Variants in KCNT2 observed in about 807,000 individuals in gnomAD.
The protein encoded by KCNT2 is potassium channel subfamily T member 2.
KCNT2 carries 67 observed loss-of-function variants against 153.8 expected under a neutral mutation model. The observed-to-expected ratio is 0.44, with a 90% CI of 0.36 to 0.53. KCNT2 has a LOEUF of 0.53. Among genes scored for constraint, KCNT2 ranks in the 20% least tolerant of loss-of-function variants. The pLI, the probability that KCNT2 is intolerant of heterozygous loss-of-function variation, is 0.00. For missense variants in KCNT2, 975 were observed against 1,354.8 expected (o/e 0.72, Z 4.40); for synonymous variants, 500 against 458.8 (o/e 1.09, Z -1.15).
intron 3 of KCNT2, among the ~76,000 whole-genome samples, chr1:196,488,446 T>C (rs1430893811): frequency 6.6e-6 from 1 of 151,816 alleles, no homozygotes; most frequent in African/African-American, 2.4e-5. Context: ...TTAGTGATAT[T>C]ACATAGAAGT....
chr1:196,527,460 T>A (rs1431544580), intron 1 of KCNT2, among the ~76,000 whole-genome samples: 13 of 152,156 alleles, frequency 8.5e-5, no homozygotes. Context: ...TAATGACAGT[T>A]TATTAGCAAA....
intron 12 of KCNT2, among the ~76,000 whole-genome samples, chr1:196,404,485 A>T (rs1671670745): frequency 6.6e-6 from 1 of 151,660 alleles, no homozygotes; most frequent in Non-Finnish European, 1.5e-5. Flanking sequence ...CAGTCTTTGC[A>T]TTCTTCTCTC....
chr1:196,264,862 C>T (rs1657380494), intron 25 of KCNT2, among the ~76,000 whole-genome samples: 1 of 152,116 alleles, frequency 6.6e-6, no homozygotes, highest in Non-Finnish European at 1.5e-5. Context: ...AACTCCTGAG[C>T]TCAAGCTATC....
At chr1:196,393,956 T>C (rs1234005779) in intron 13 of KCNT2, among the ~76,000 whole-genome samples, 1 of 151,548 alleles carries the variant, frequency 6.6e-6, no homozygotes, top group East Asian at 1.9e-4. Flanking sequence ...GTCATATGTT[T>C]CAGTACCAAT....
intron 15 of KCNT2, 46 bp from the exon 16 acceptor site, chr1:196,340,616 T>G: frequency 8.6e-7 from 1 of 1,158,752 alleles, no homozygotes; most frequent in South Asian, 1.5e-5. Flanking sequence ...TAGTAAATTA[T>G]TGTAAGGCTG....
At chr1:196,504,109 G>C (rs1192965567) in intron 1 of KCNT2, among the ~76,000 whole-genome samples, 1 of 152,020 alleles carries the variant, frequency 6.6e-6, no homozygotes, top group Non-Finnish European at 1.5e-5. Flanking sequence ...TATACTTTAA[G>C]TTTTAGGGTA....
intron 1 of KCNT2, among the ~76,000 whole-genome samples, chr1:196,581,841 C>T (rs1662091008): frequency 6.6e-6 from 1 of 151,996 alleles, no homozygotes; most frequent in African/African-American, 2.4e-5. Flanking sequence ...TTTTGTTGTT[C>T]TCCTATTTAA....
intron 4 of KCNT2, among the ~76,000 whole-genome samples, chr1:196,480,704 A>C (rs1443088226): frequency 2.0e-5 from 3 of 151,856 alleles, no homozygotes; most frequent in Admixed American, 2.0e-4. Context: ...AAATACAAAA[A>C]AAGTAGCCGG....
At chr1:196,505,259 G>A (rs900278329) in intron 1 of KCNT2, among the ~76,000 whole-genome samples, 1 of 152,058 alleles carries the variant, frequency 6.6e-6, no homozygotes, top group Admixed American at 6.6e-5. Flanking sequence ...ATTAATTTTT[G>A]TATAAGGTGT....
chr1:196,509,478 A>G, intron 1 of KCNT2, among the ~76,000 whole-genome samples: 1 of 152,198 alleles, frequency 6.6e-6, no homozygotes, highest in East Asian at 1.9e-4. Context: ...CAAGCCTAAG[A>G]CTATATGTCA....
chr1:196,600,826 T>C (rs1264063393), intron 1 of KCNT2, among the ~76,000 whole-genome samples: 3 of 152,210 alleles, frequency 2.0e-5, no homozygotes, highest in Non-Finnish European at 4.4e-5. Flanking sequence ...GTTTCTGGCC[T>C]TGCTTATCCA....
chr1:196,586,739 G>T (rs10737676), intron 1 of KCNT2, among the ~76,000 whole-genome samples: 13 of 151,918 alleles, frequency 8.6e-5, no homozygotes, highest in African/African-American at 3.1e-4. Context: ...AACAACAACT[G>T]TAAGTAGTAC....
intron 21 of KCNT2, among the ~76,000 whole-genome samples, chr1:196,309,868 C>CT (rs1185788546): frequency 6.6e-6 from 1 of 151,730 alleles, no homozygotes; most frequent in Admixed American, 6.6e-5. Flanking sequence ...TAGAGCAATA[C>CT]TGTAATTAAA....
At chr1:196,577,740 C>T (rs1357234551) in intron 1 of KCNT2, among the ~76,000 whole-genome samples, 2 of 152,110 alleles carry the variant, frequency 1.3e-5, no homozygotes, top group South Asian at 2.1e-4. Flanking sequence ...AAGTCCTAGA[C>T]TGAGCATTGC....
At chr1:196,514,008 G>A (rs961940268) in intron 1 of KCNT2, among the ~76,000 whole-genome samples, 24 of 152,138 alleles carry the variant, frequency 1.6e-4, no homozygotes, top group Non-Finnish European at 3.4e-4. Context: ...GCTACCAGAT[G>A]GAATGCATCA....
chr1:196,551,255 C>T (rs1461185198), intron 1 of KCNT2, among the ~76,000 whole-genome samples: 3 of 151,700 alleles, frequency 2.0e-5, no homozygotes, highest in Non-Finnish European at 4.4e-5. Flanking sequence ...CACAAAGGCA[C>T]TAAGTAGTAT....
At chr1:196,466,315 A>G (rs1318945891) in intron 7 of KCNT2, among the ~76,000 whole-genome samples, 2 of 152,046 alleles carry the variant, frequency 1.3e-5, no homozygotes, top group African/African-American at 4.8e-5. Context: ...AGGGCAATTA[A>G]GACAGCCCAA....
intron 14 of KCNT2, among the ~76,000 whole-genome samples, chr1:196,355,255 T>C (rs1226291564): frequency 6.6e-6 from 1 of 151,338 alleles, no homozygotes; most frequent in Non-Finnish European, 1.5e-5. Flanking sequence ...GGAAGATGCT[T>C]ATGAATTCCA....
rs1558100098 is a variant in KCNT2 at position 196,284,251 on chromosome 1, ATAT to A, written c.2697+1403_2697+1405del. On this transcript the variant is annotated intron_variant, in intron 23 of 27. Transcript: ENST00000294725. The stretch of plus-strand genomic sequence containing the variant: ...GTCTTAAAAAAAAAAAAAAAAAAAT[ATAT>A]ATATATATATATATATATATATATA... Among the ~76,000 whole-genome samples the A allele has an allele frequency of 5.6e-4, 27 of 48,448 alleles. 1 individual carries two copies. The highest frequency in any genetic ancestry group is 3.1e-3 in the South Asian group (3 of 962). The allele number at this position is 48,448 out of a possible 152,430, so 31.8% of individuals were successfully genotyped here. A position where few individuals can be genotyped will look rare whatever the true frequency, so the allele number is the denominator to read the frequency against.
Sources: gnomAD v4.1 joint callset for allele counts (sites outside exome capture counted in the v4.1 genomes callset) on GRCh38, gnomAD v4.1.1 for gene constraint, MANE v1.5 for transcripts, NCBI Gene and HGNC (gene_info 2026-07-23, HGNC 2026-07-21) for gene names.